The following RARB variants were observed in gnomAD, a reference collection of about 807,000 sequenced individuals.
The protein encoded by RARB is HBV-activated protein.
In RARB, 17 loss-of-function variants were observed where a neutral mutation model predicts 51.9. The ratio of observed to expected loss-of-function variants is 0.33; its 90% confidence interval spans 0.22 to 0.49. RARB has a LOEUF of 0.49. Among genes scored for constraint, RARB ranks in the 20% least tolerant of loss-of-function variants. The probability of loss-of-function intolerance (pLI) is 0.99; values close to 1 mark genes in which losing one functional copy is unlikely to be tolerated. For missense variants in RARB, 369 were observed against 550.8 expected (o/e 0.67, Z 3.30); for synonymous variants, 215 against 195.4 (o/e 1.10, Z -0.84).
chr3:25,365,860 T>C (rs1439287878), intron 5 of RARB, among the ~76,000 whole-genome samples: 1 of 152,204 alleles, frequency 6.6e-6, no homozygotes, highest in African/African-American at 2.4e-5. Context: ...TAGCTTTTTG[T>C]GACCTAATGT....
At chr3:25,382,625 G>C (rs974111997) in intron 5 of RARB, among the ~76,000 whole-genome samples, 2 of 152,208 alleles carry the variant, frequency 1.3e-5, no homozygotes, top group Admixed American at 1.3e-4. Context: ...GGAGGCCAAG[G>C]CAGGCGGATC....
chr3:25,016,536 T>G (rs1697512610), intron 2 of RARB, among the ~76,000 whole-genome samples: 1 of 152,202 alleles, frequency 6.6e-6, no homozygotes, highest in Non-Finnish European at 1.5e-5. Context: ...CCAACGTTAC[T>G]GGTTTGGAAC....
intron 5 of RARB, among the ~76,000 whole-genome samples, chr3:25,359,132 A>T (rs1280331793): frequency 6.6e-6 from 1 of 151,724 alleles, no homozygotes; most frequent in Non-Finnish European, 1.5e-5. Flanking sequence ...GGTTGGTAGG[A>T]TATCAGTTAC....
intron 2 of RARB, among the ~76,000 whole-genome samples, chr3:24,948,466 A>G (rs1353599914): frequency 6.6e-6 from 1 of 152,218 alleles, no homozygotes; most frequent in Non-Finnish European, 1.5e-5. Context: ...CTTTCTATCA[A>G]GTTCCTTTCT....
At chr3:25,017,378 T>TAAAAA (rs531591035) in intron 2 of RARB, among the ~76,000 whole-genome samples, 201 of 147,532 alleles carry the variant, frequency 1.4e-3, no homozygotes, top group Non-Finnish European at 2.5e-3. Flanking sequence ...TCATCATGTT[T>TAAAAA]AAAAAAAAAA....
chr3:24,859,054 AAAAG>A (rs1308857153), intron 2 of RARB, among the ~76,000 whole-genome samples: 1 of 92,102 alleles, frequency 1.1e-5, no homozygotes, highest in African/African-American at 3.7e-5. Context: ...AAAAAAAAAA[AAAAG>A]AAAAAAAAAA....
chr3:25,589,952 G>GT (rs2125320361), intron 5 of RARB, among the ~76,000 whole-genome samples: 1 of 152,318 alleles, frequency 6.6e-6, no homozygotes, highest in South Asian at 2.1e-4. Context: ...GTGACAAAAT[G>GT]AAACGACTTG....
intron 5 of RARB, among the ~76,000 whole-genome samples, chr3:25,208,895 C>A (rs1372031408): frequency 6.6e-6 from 1 of 152,118 alleles, no homozygotes. Context: ...ATCAAAAGGT[C>A]TTTCCTCTTA....
intron 2 of RARB, among the ~76,000 whole-genome samples, chr3:24,878,442 T>C (rs1028416507): frequency 3.3e-5 from 5 of 152,158 alleles, no homozygotes; most frequent in Non-Finnish European, 7.4e-5. Flanking sequence ...CTTGGTTGAC[T>C]GCTTATGATT....
chr3:25,415,340 G>T (rs542393207), intron 5 of RARB, among the ~76,000 whole-genome samples: 1 of 151,904 alleles, frequency 6.6e-6, no homozygotes, highest in Non-Finnish European at 1.5e-5. Context: ...TTACATTTAG[G>T]TCCAGGATCC....
At chr3:24,976,090 G>C (rs1370467929) in intron 2 of RARB, among the ~76,000 whole-genome samples, 1 of 152,108 alleles carries the variant, frequency 6.6e-6, no homozygotes, top group Non-Finnish European at 1.5e-5. Context: ...CCCTGCAAAG[G>C]ACATGAACTC....
intron 4 of RARB, among the ~76,000 whole-genome samples, chr3:25,165,109 G>GA (rs979208432): frequency 3.3e-5 from 5 of 151,450 alleles, no homozygotes; most frequent in Admixed American, 2.6e-4. Context: ...AAAGAAGAAA[G>GA]AAAAAAAATA....
intron 5 of RARB, among the ~76,000 whole-genome samples, chr3:25,239,937 C>G (rs1178383716): frequency 6.6e-6 from 1 of 151,972 alleles, no homozygotes; most frequent in African/African-American, 2.4e-5. Context: ...GATGCCTTTC[C>G]ATTTGTTTGT....
chr3:25,163,501 C>CAAAAAAAAAAAAA (rs1385452358), intron 4 of RARB, among the ~76,000 whole-genome samples: 12 of 78,682 alleles, frequency 1.5e-4, no homozygotes, highest in African/African-American at 6.8e-4. Flanking sequence ...GACCCTATCT[C>CAAAAAAAAAAAAA]AAAATATATA....
Position 25,383,009 on chromosome 3 carries a change from G to C in RARB, c.179-78184G>C, listed in dbSNP as rs548223675. On this transcript the variant is annotated intron_variant, in intron 5 of 11. Coordinates refer to the RARB transcript ENST00000383772. ...GGAAGAACTAGAGTGAGAACATCTA[G>C]ATTAGGAGGCCCGTTGTTAACAATA... Among the ~76,000 whole-genome samples, 8 of 152,300 alleles carry C rather than the reference G, an allele frequency of 5.3e-5. No homozygotes were observed. In the South Asian group the frequency reaches 1.2e-3, roughly 24 times the overall value.
At chr3:25,335,238 A>G (rs760852403) in intron 5 of RARB, among the ~76,000 whole-genome samples, 3 of 151,406 alleles carry the variant, frequency 2.0e-5, no homozygotes, top group Non-Finnish European at 4.4e-5. Flanking sequence ...CAAATGTTCA[A>G]TAAGCAGCAG....
chr3:25,497,072 C>T (rs1427259168), intron 2 of RARB, among the ~76,000 whole-genome samples: 3 of 152,090 alleles, frequency 2.0e-5, no homozygotes, highest in African/African-American at 7.2e-5. Flanking sequence ...TTAGTAGAGA[C>T]GGGCTTTCTC....
intron 2 of RARB, among the ~76,000 whole-genome samples, chr3:24,878,618 A>G (rs1489707234): frequency 1.3e-5 from 2 of 152,144 alleles, no homozygotes; most frequent in African/African-American, 4.8e-5. Context: ...GATTTTTAGC[A>G]GCATCCTTGG....
chr3:25,479,104 C>T (rs971686107), intron 2 of RARB, among the ~76,000 whole-genome samples: 1 of 151,810 alleles, frequency 6.6e-6, no homozygotes, highest in Non-Finnish European at 1.5e-5. Flanking sequence ...GAATTCTGTA[C>T]ATATTTCTAA....
Sources: gnomAD v4.1 joint callset for allele counts (sites outside exome capture counted in the v4.1 genomes callset) on GRCh38, gnomAD v4.1.1 for gene constraint, MANE v1.5 for transcripts, NCBI Gene and HGNC (gene_info 2026-07-23, HGNC 2026-07-21) for gene names.